Variants in POU2F3 observed in about 807,000 individuals in gnomAD.
The protein encoded by POU2F3 is POU domain, class 2, transcription factor 3.
A neutral mutation model predicts 59.2 loss-of-function variants in POU2F3; 23 were observed. That is an observed-to-expected ratio of 0.39 (90% CI 0.28 to 0.55). The LOEUF (loss-of-function observed/expected upper bound fraction) is 0.55, where lower values mean the gene tolerates loss of function less well. POU2F3 is among the 20% of genes least tolerant of loss of function. The pLI is 0.66. For synonymous variants in POU2F3, 190 were observed against 214.6 expected (o/e 0.89, Z 1.00); for missense variants, 473 against 544.5 (o/e 0.87, Z 1.31).
At chr11:120,279,312 T>A (rs1940465465) in intron 3 of POU2F3, among the ~76,000 whole-genome samples, 1 of 152,204 alleles carries the variant, frequency 6.6e-6, no homozygotes, top group East Asian at 1.9e-4. Flanking sequence ...AGTAAGAGTA[T>A]CTATTTCCTA....
chr11:120,304,604 G>GA (rs911397714), intron 6 of POU2F3, among the ~76,000 whole-genome samples: 1 of 150,514 alleles, frequency 6.6e-6, no homozygotes, highest in Non-Finnish European at 1.5e-5. Flanking sequence ...CTGCTTTATG[G>GA]AAAAAAACAA....
chr11:120,236,824 T>C, upstream of POU2F3: 2 of 1,093,892 alleles, frequency 1.8e-6, no homozygotes, highest in East Asian at 2.6e-5. Context: ...TATACACAGG[T>C]GGGACTTAGA....
intron 2 of POU2F3, chr11:120,266,041 T>C (rs1269249061): frequency 6.6e-6 from 1 of 152,190 alleles, no homozygotes; most frequent in East Asian, 1.9e-4. Flanking sequence ...AATTGATACC[T>C]CCTGACCGAA....
chr11:120,237,049 G>C (rs1287822814), upstream of POU2F3, among the ~76,000 whole-genome samples: 1 of 152,098 alleles, frequency 6.6e-6, no homozygotes, highest in Non-Finnish European at 1.5e-5. Context: ...GAAACTGGAG[G>C]GCAGGACTAA....
rs189138004 is a variant in POU2F3, at chr11:120,244,045, C to T, written c.29-2404C>T. 2.9e-3 allele frequency among the ~76,000 whole-genome samples: 445 copies of T among 151,862 alleles called. 2 individuals are homozygous for T. Among genetic ancestry groups the T allele is most frequent in the Non-Finnish European group, 5.0e-3 (339 of 67,982 alleles). ...GAGGAGAATTTGGGTTCTAGGCATG[C>T]GATTACAGTTTAGCTAAAGAATTAC... On this transcript the variant is annotated intron_variant, in intron 1 of 12. Coordinates refer to ENST00000543440, the MANE Select transcript of POU2F3 (RefSeq NM_014352.4).
intron 3 of POU2F3, among the ~76,000 whole-genome samples, chr11:120,286,105 G>A (rs1246134374): frequency 1.3e-5 from 2 of 151,968 alleles, no homozygotes; most frequent in African/African-American, 4.8e-5. Flanking sequence ...GGGTGGTCTC[G>A]AACTCCTGAC....
chr11:120,237,024 G>A (rs185327393), upstream of POU2F3, among the ~76,000 whole-genome samples: 1 of 152,276 alleles, frequency 6.6e-6, no homozygotes, highest in Non-Finnish European at 1.5e-5. Context: ...TAAGAGAAGG[G>A]GAAGCTCAGA....
chr11:120,293,069 C>A (rs1462327732), intron 3 of POU2F3, among the ~76,000 whole-genome samples: 2 of 152,178 alleles, frequency 1.3e-5, no homozygotes, highest in African/African-American at 4.8e-5. Context: ...GCAGTAGCAA[C>A]CCCACATGGT....
chr11:120,263,567 C>A (rs531656998), intron 2 of POU2F3, among the ~76,000 whole-genome samples: 1 of 152,228 alleles, frequency 6.6e-6, no homozygotes, highest in Non-Finnish European at 1.5e-5. Context: ...GGTCTAAAAC[C>A]ATACTCAATT....
intron 2 of POU2F3, among the ~76,000 whole-genome samples, chr11:120,250,888 A>G (rs1939068400): frequency 6.6e-6 from 1 of 151,980 alleles, no homozygotes; most frequent in Non-Finnish European, 1.5e-5. Flanking sequence ...GAGGCAGGAG[A>G]ATTGCTTGAA....
chr11:120,268,794 C>T (rs1382957606), intron 2 of POU2F3, among the ~76,000 whole-genome samples: 1 of 152,212 alleles, frequency 6.6e-6, no homozygotes, highest in East Asian at 1.9e-4. Flanking sequence ...AGCATGACTT[C>T]TGTCCTAGGG....
intron 5 of POU2F3, 67 bp downstream of exon 5, chr11:120,299,793 G>C (rs1449113237): frequency 3.6e-6 from 5 of 1,408,352 alleles, no homozygotes; most frequent in Admixed American, 1.9e-5. Context: ...GCTGTTTTTT[G>C]CTGGGTGAGG....
At chr11:120,304,339 A>AAAAAAAAAAAAAAAAAAAAAAG (rs368735249) in intron 6 of POU2F3, 1 of 141,784 alleles carries the variant, frequency 7.1e-6, no homozygotes, top group East Asian at 2.4e-4. Flanking sequence ...TCAAAAAAAA[A>AAAAAAAAAAAAAAAAAAAAAAG]AAGAAGAAGA....
intron 1 of POU2F3, among the ~76,000 whole-genome samples, chr11:120,243,253 C>T (rs1938741081): frequency 6.6e-6 from 1 of 152,080 alleles, no homozygotes; most frequent in African/African-American, 2.4e-5. Flanking sequence ...CCAGAGGGAG[C>T]TCCCGTCCTT....
chr11:120,313,398 T>C (rs949830813), intron 10 of POU2F3, among the ~76,000 whole-genome samples: 2 of 152,204 alleles, frequency 1.3e-5, no homozygotes, highest in African/African-American at 4.8e-5. Context: ...TACAGCCTAA[T>C]GGCTGTGAAG....
At chr11:120,301,267 A>G (rs1941341145) in intron 5 of POU2F3, 1 of 319,548 alleles carries the variant, frequency 3.1e-6, no homozygotes, top group African/African-American at 2.2e-5. Flanking sequence ...GCCTCATGAG[A>G]TTATTGAGAG....
rs539909135 is a variant in POU2F3, at chr11:120,263,896, T to G, written c.98-5314T>G. Reference sequence around the variant, plus strand: ...TCTTAGGTCTGAATAGGAGGTTAGTTTATGTCACAGTTTCTCAGTGATTTG... The same window carrying G: ...TCTTAGGTCTGAATAGGAGGTTAGTGTATGTCACAGTTTCTCAGTGATTTG... On this transcript the variant is annotated intron_variant, in intron 2 of 12. Coordinates refer to ENST00000543440, the MANE Select transcript of POU2F3 (RefSeq NM_014352.4). Among the ~76,000 whole-genome samples the G allele has an allele frequency of 3.3e-5, 5 of 152,274 alleles. No homozygotes were observed. In the East Asian group the frequency reaches 9.6e-4, roughly 29 times the overall value.
chr11:120,307,708 C>T (rs1941538052), intron 9 of POU2F3, 93 bp downstream of exon 9: 2 of 1,472,694 alleles, frequency 1.4e-6, no homozygotes, highest in South Asian at 1.2e-5. Flanking sequence ...AGCCCCTCCG[C>T]ACCTCACACC....
At chr11:120,265,100 G>A (rs141945420) in intron 2 of POU2F3, among the ~76,000 whole-genome samples, 25 of 152,298 alleles carry the variant, frequency 1.6e-4, no homozygotes, top group Non-Finnish European at 3.5e-4. Flanking sequence ...TGGGTGGGGA[G>A]AGCTGCTCCA....
Sources: gnomAD v4.1 joint callset for allele counts (sites outside exome capture counted in the v4.1 genomes callset) on GRCh38, gnomAD v4.1.1 for gene constraint, MANE v1.5 for transcripts, NCBI Gene and HGNC (gene_info 2026-07-23, HGNC 2026-07-21) for gene names.